The following RIPOR3 variants were observed in gnomAD, a reference collection of about 807,000 sequenced individuals.
RIPOR3 encodes the protein family with sequence similarity 65 member C.
Under a neutral mutation model 114.3 loss-of-function variants are expected in RIPOR3, and 95 were observed. The ratio of observed to expected loss-of-function variants is 0.83; its 90% CI spans 0.70 to 0.99. The LOEUF (loss-of-function observed/expected upper bound fraction) is 0.99, where lower values mean the gene tolerates loss of function less well. Ranked by LOEUF, RIPOR3 falls within the 50% of genes least tolerant of loss-of-function variation. The probability of loss-of-function intolerance (pLI) is 0.00; values close to 1 mark genes in which losing one functional copy is unlikely to be tolerated. For missense variants in RIPOR3, 1,252 were observed against 1,266.9 expected, an observed-to-expected ratio of 0.99 and a Z score of 0.18; for synonymous variants, 575 against 543.8, an observed-to-expected ratio of 1.06 and a Z score of -0.80.
intron 1 of RIPOR3, among the ~76,000 whole-genome samples, chr20:50,644,447 A>G (rs1011410705): frequency 7.9e-5 from 12 of 152,100 alleles, no homozygotes; most frequent in African/African-American, 2.9e-4. Context: ...ATAAACATGA[A>G]ATACTTTTTA....
At chr20:50,621,243 T>A (rs1043142498) in intron 2 of RIPOR3, among the ~76,000 whole-genome samples, 4 of 152,214 alleles carry the variant, frequency 2.6e-5, no homozygotes, top group African/African-American at 9.7e-5. Context: ...GTGCAGGCAA[T>A]GCCGTGTGGG....
In RIPOR3 at chr20:50,630,818, A is replaced by C. The variant is rs1210080203; in HGVS notation, c.42T>G (p.Pro14=). 1 of 1,610,296 alleles carries C rather than the reference A, an allele frequency of 6.2e-7. No homozygotes were observed. The highest frequency in any genetic ancestry group is 8.5e-7 in the Non-Finnish European group (1 of 1,178,768). The change falls in exon 2 of 22, where the codon CCT becomes CCG. Residue 14 remains proline, a synonymous_variant. Transcript: ENST00000327979. Reference sequence around the variant, plus strand: ...CGACCCCCACGGCCCCTGTGTCCCCAGGGGACAGGAACCGCAACCTCACCG... The same window carrying C: ...CGACCCCCACGGCCCCTGTGTCCCCCGGGGACAGGAACCGCAACCTCACCG... ...TMSVRLRFLS[P]GDTGAVGVVG...
intron 1 of RIPOR3, among the ~76,000 whole-genome samples, chr20:50,686,741 ACT>A (rs1239883353): frequency 1.4e-5 from 2 of 147,122 alleles, no homozygotes; most frequent in Non-Finnish European, 3.0e-5. Flanking sequence ...ACAGAGCGAG[ACT>A]CTGTTAAAAA....
intron 4 of RIPOR3, among the ~76,000 whole-genome samples, chr20:50,615,457 G>A (rs1252967145): frequency 6.6e-6 from 1 of 150,518 alleles, no homozygotes; most frequent in Non-Finnish European, 1.5e-5. Context: ...CCCAGGAGGT[G>A]GAGGTTGCAG....
rs1431976252 is a variant in RIPOR3 at position 50,611,162 on chromosome 20, T to A, written c.372+19A>T. On this transcript the variant is annotated intron_variant, in intron 5 of 21. Coordinates refer to ENST00000327979, the MANE Select transcript of RIPOR3 (RefSeq NM_001290268.2). The stretch of plus-strand genomic sequence containing the variant: ...TCCAGCCAGGCCCAGCCCACCTCAC[T>A]CACCGTATGCAGACTCACCTTGTCC... 6.2e-7 allele frequency: 1 copy of A among 1,613,986 alleles called. No individual in the cohort carries two copies. The highest frequency in any genetic ancestry group is 8.5e-7 in the Non-Finnish European group (1 of 1,180,024).
rs1032784804 is a variant in RIPOR3, at chr20:50,608,304, T to G, written c.956+85A>C. 433 of 1,566,918 alleles carry G rather than the reference T, an allele frequency of 2.8e-4. 1 individual carries two copies. Among genetic ancestry groups the G allele is most frequent in the East Asian group, 1.5e-3 (63 of 43,250 alleles). On this transcript the variant is annotated intron_variant, in intron 11 of 21. Transcript: ENST00000327979. The stretch of plus-strand genomic sequence containing the variant: ...CAGGGACACCCTTGGCAGAGGCTGG[T>G]GCAGGAACCCAGGGCCAGAGTGTGG...
intron 1 of RIPOR3, among the ~76,000 whole-genome samples, chr20:50,646,856 C>T (rs1368537352): frequency 6.6e-6 from 1 of 152,208 alleles, no homozygotes; most frequent in Admixed American, 6.5e-5. Flanking sequence ...GCCAAACATT[C>T]TTGCTTGGGT....
chr20:50,593,419 A>C lies in RIPOR3; in HGVS notation c.2213-223T>G, dbSNP rs182751041. Among the ~76,000 whole-genome samples the C allele has an allele frequency of 2.0e-5, 3 of 152,196 alleles. No homozygotes were observed. The East Asian group carries it at 5.8e-4, about 29-fold the overall frequency. ...GAAACCCCATCTCTACTAAAAATAC[A>C]AAATTAGCTGGGTGTGGTGGTGCCT... On this transcript the variant is annotated intron_variant, in intron 17 of 21. Transcript: ENST00000327979.
intron 1 of RIPOR3, among the ~76,000 whole-genome samples, chr20:50,670,856 C>G (rs1054722912): frequency 2.6e-5 from 4 of 152,198 alleles, no homozygotes; most frequent in African/African-American, 9.6e-5. Flanking sequence ...TTGGCCAAGG[C>G]AGCTTCTAGC....
intron 20 of RIPOR3, among the ~76,000 whole-genome samples, chr20:50,589,098 A>C (rs1237477330): frequency 7.2e-6 from 1 of 138,588 alleles, no homozygotes; most frequent in Non-Finnish European, 1.5e-5. Flanking sequence ...AAAAAAAAAA[A>C]AAAAAAAAAA....
In RIPOR3 at chr20:50,643,848, G is replaced by A. The variant is rs185650673; in HGVS notation, c.4-12992C>T. Reference sequence around the variant, plus strand: ...CCTGCCTCAGCCTCCCAAGTAGCTGGGACTACAGGCGCCCGCCACTGTGCC... The same window carrying A: ...CCTGCCTCAGCCTCCCAAGTAGCTGAGACTACAGGCGCCCGCCACTGTGCC... On this transcript the variant is annotated intron_variant, in intron 1 of 21. Coordinates refer to ENST00000327979, the MANE Select transcript of RIPOR3 (RefSeq NM_001290268.2). 3.2e-3 allele frequency among the ~76,000 whole-genome samples: 490 copies of A among 152,052 alleles called. 2 individuals carry two copies. Among genetic ancestry groups the A allele is most frequent in the African/African-American group, 0.011 (442 of 41,494 alleles).
intron 1 of RIPOR3, among the ~76,000 whole-genome samples, chr20:50,654,212 G>C (rs776163849): frequency 6.6e-6 from 1 of 151,628 alleles, no homozygotes; most frequent in Admixed American, 6.6e-5. Flanking sequence ...TGTCTCCCAG[G>C]CTGGAGTACA....
Position 50,652,607 on chromosome 20 carries a change from A to G in RIPOR3, c.4-21751T>C, listed in dbSNP as rs58319150. Among the ~76,000 whole-genome samples, 1,205 of 150,286 alleles carry G rather than the reference A, an allele frequency of 8.0e-3. 15 individuals are homozygous for G. Among genetic ancestry groups the G allele is most frequent in the Middle Eastern group, 0.021 (6 of 288 alleles). On this transcript the variant is annotated intron_variant, in intron 1 of 21. Coordinates refer to ENST00000327979, the MANE Select transcript of RIPOR3 (RefSeq NM_001290268.2). ...TTCTGTCTCAAAAAAAAAAAAAAAA[A>G]AAAAAAGAAAAGAAAAGAAAAGAAA...
intron 1 of RIPOR3, among the ~76,000 whole-genome samples, chr20:50,672,876 G>A (rs930726009): frequency 4.1e-4 from 62 of 152,234 alleles, no homozygotes; most frequent in African/African-American, 1.5e-3. Flanking sequence ...AAGGGGATGT[G>A]AAGACAGATC....
At chr20:50,596,046 C>T (rs1049240095) in intron 15 of RIPOR3, 94 bp downstream of exon 15, 3 of 1,559,136 alleles carry the variant, frequency 1.9e-6, no homozygotes, top group Non-Finnish European at 2.6e-6. Context: ...TCTGTCACCC[C>T]TTCATGCTTC....
intron 2 of RIPOR3, among the ~76,000 whole-genome samples, chr20:50,623,389 G>A (rs2084496225): frequency 6.6e-6 from 1 of 152,134 alleles, no homozygotes; most frequent in Non-Finnish European, 1.5e-5. Context: ...CCTGCAGGCA[G>A]AGCGGGATAG....
At chr20:50,634,717 G>C (rs146535569) in intron 1 of RIPOR3, among the ~76,000 whole-genome samples, 180 of 152,276 alleles carry the variant, frequency 1.2e-3, no homozygotes, top group Non-Finnish European at 2.3e-3. Context: ...AGGCAAAGAT[G>C]GACAAATGTT....
At chr20:50,615,948 T>C in intron 4 of RIPOR3, 54 bp downstream of exon 4, 1 of 1,534,612 alleles carries the variant, frequency 6.5e-7, no homozygotes, top group Non-Finnish European at 8.9e-7. Flanking sequence ...AGGGTTCATC[T>C]TTTACTCCTG....
At chr20:50,633,233 G>C (rs556546057) in intron 1 of RIPOR3, among the ~76,000 whole-genome samples, 2 of 152,280 alleles carry the variant, frequency 1.3e-5, no homozygotes, top group Non-Finnish European at 2.9e-5. Flanking sequence ...CTGCACTCCA[G>C]CCTGGGCAAC....
Sources: gnomAD v4.1 joint callset for allele counts (sites outside exome capture counted in the v4.1 genomes callset) on GRCh38, gnomAD v4.1.1 for gene constraint, MANE v1.5 for transcripts, NCBI Gene and HGNC (gene_info 2026-07-23, HGNC 2026-07-21) for gene names.